Variants in PRELID2 observed in about 807,000 individuals in gnomAD.
PRELID2 encodes the protein PRELI domain-containing protein 2.
A neutral mutation model predicts 28.4 loss-of-function variants in PRELID2; 25 were observed. That is an observed-to-expected ratio of 0.88 (90% CI 0.64 to 1.23). PRELID2 has a LOEUF of 1.23. Among genes scored for constraint, PRELID2 ranks in the 50% most tolerant of loss-of-function variants. The probability of loss-of-function intolerance (pLI) is 0.00; values close to 1 mark genes in which losing one functional copy is unlikely to be tolerated. For missense variants in PRELID2, 201 were observed against 214.4 expected, an observed-to-expected ratio of 0.94 and a Z score of 0.39; for synonymous variants, 76 against 71.6, an observed-to-expected ratio of 1.06 and a Z score of -0.31.
chr5:145,705,368 T>G (rs28491726), intron 1 of PRELID2, among the ~76,000 whole-genome samples: 7,195 of 147,354 alleles, frequency 0.049, 521 homozygotes, highest in African/African-American at 0.17. Flanking sequence ...TTTTTGTGGG[T>G]TTTTTTTGTA....
chr5:145,696,962 CAG>C (rs375093767), intron 1 of PRELID2, among the ~76,000 whole-genome samples: 141 of 145,598 alleles, frequency 9.7e-4, no homozygotes, highest in African/African-American at 3.5e-3. Context: ...AAGAATAAAT[CAG>C]AGTAAGCAAA....
Position 145,675,482 on chromosome 5 carries a change from A to G in PRELID2, n.70+89449T>C, listed in dbSNP as rs76259764. ...AGATTGACACTATCTAGCAAAACTA[A>G]TAAGCATTTACCCTTTGACTCAGTA... is the stretch of plus-strand genomic sequence containing the variant. On this transcript the variant is annotated intron_variant and non_coding_transcript_variant, in intron 1 of 2. Coordinates refer to the PRELID2 transcript ENST00000510259. 3.9e-3 allele frequency among the ~76,000 whole-genome samples: 590 copies of G among 152,376 alleles called. 1 individual carries two copies. Among genetic ancestry groups the G allele is most frequent in the African/African-American group, 0.014 (566 of 41,586 alleles).
chr5:145,788,076 G>A lies in PRELID2; in HGVS notation c.474+8366C>T, dbSNP rs568490703. Among the ~76,000 whole-genome samples the A allele has an allele frequency of 5.9e-5, 9 of 152,180 alleles. 1 individual carries two copies. The highest frequency in any genetic ancestry group is 1.9e-4 in the African/African-American group (8 of 41,538). On this transcript the variant is annotated intron_variant, in intron 5 of 6. Coordinates refer to ENST00000683046, the MANE Select transcript of PRELID2 (RefSeq NM_205846.3). ...GATGTCTCTGTTTCCTCCTCTTTGG[G>A]TCCCTGAGGTCTGAGATCATGACTT...
chr5:145,543,852 T>C (rs1418401674), intron 1 of PRELID2, among the ~76,000 whole-genome samples: 1 of 152,062 alleles, frequency 6.6e-6, no homozygotes, highest in African/African-American at 2.4e-5. Context: ...AGTCAAACAG[T>C]TCATAAAGCT....
chr5:145,503,447 G>T (rs1752377237), intron 1 of PRELID2, among the ~76,000 whole-genome samples: 1 of 152,102 alleles, frequency 6.6e-6, no homozygotes, highest in African/African-American at 2.4e-5. Context: ...TAAAACAATA[G>T]TCATGATAAT....
intron 5 of PRELID2, among the ~76,000 whole-genome samples, chr5:145,789,043 GAATT>G (rs1227194213): frequency 6.6e-6 from 1 of 152,126 alleles, no homozygotes; most frequent in East Asian, 1.9e-4. Context: ...TAGCTTGAAA[GAATT>G]AATATTGCTA....
At chr5:145,491,791 T>C (rs1752271730) in intron 1 of PRELID2, among the ~76,000 whole-genome samples, 1 of 152,148 alleles carries the variant, frequency 6.6e-6, no homozygotes, top group South Asian at 2.1e-4. Flanking sequence ...AATGAGATCA[T>C]GTGGTATTTG....
intron 1 of PRELID2, among the ~76,000 whole-genome samples, chr5:145,527,618 G>C (rs1752621041): frequency 1.3e-5 from 2 of 152,156 alleles, no homozygotes; most frequent in Admixed American, 6.6e-5. Flanking sequence ...CAGCCAGAAA[G>C]TTTGTGCTTT....
intron 1 of PRELID2, among the ~76,000 whole-genome samples, chr5:145,494,680 G>A (rs1752295598): frequency 6.6e-6 from 1 of 152,044 alleles, no homozygotes; most frequent in Admixed American, 6.6e-5. Flanking sequence ...TCTTATTAAA[G>A]ATATTGACAA....
the PRELID2 span, among the ~76,000 whole-genome samples, chr5:145,402,288 A>G: frequency 6.6e-6 from 1 of 152,166 alleles, no homozygotes; most frequent in Non-Finnish European, 1.5e-5. Context: ...GGGAAGCTGT[A>G]TGCTCCTTGG....
the PRELID2 span, among the ~76,000 whole-genome samples, chr5:145,298,715 G>T: frequency 6.6e-6 from 1 of 152,064 alleles, no homozygotes; most frequent in Non-Finnish European, 1.5e-5. Context: ...CTCCAGAACT[G>T]TGAGCCAATA....
In PRELID2 at chr5:145,715,715, C is replaced by T. The variant is rs534656578; in HGVS notation, n.70+49216G>A. Among the ~76,000 whole-genome samples the T allele has an allele frequency of 1.4e-4, 21 of 152,280 alleles. 1 individual carries two copies. In the South Asian group the frequency reaches 1.5e-3, roughly 11 times the overall value. ...ACTGGCTTCCACCTTAAAGCCTTTG[C>T]GTGTGCTAGTCATGCTCCAGAAATG... On this transcript the variant is annotated intron_variant and non_coding_transcript_variant, in intron 1 of 2. Coordinates refer to the PRELID2 transcript ENST00000510259.
rs927900896 is a variant in PRELID2, at chr5:145,679,421, TGTAAA to T, written n.70+85505_70+85509del. Among the ~76,000 whole-genome samples the T allele has an allele frequency of 3.3e-5, 5 of 152,156 alleles. No homozygotes were observed. The South Asian group carries it at 6.2e-4, about 19-fold the overall frequency. On this transcript the variant is annotated intron_variant and non_coding_transcript_variant, in intron 1 of 2. Transcript: ENST00000510259. ...GTAGAGATCTTTCTAGAATATCCCT[TGTAAA>T]GTAGAGTCCACACTCAATCCCAGCC...
chr5:145,503,738 A>T (rs1196267916), intron 1 of PRELID2, among the ~76,000 whole-genome samples: 1 of 152,202 alleles, frequency 6.6e-6, no homozygotes, highest in Non-Finnish European at 1.5e-5. Flanking sequence ...TCTTTAGTAC[A>T]GGACTTTGCA....
the PRELID2 span, among the ~76,000 whole-genome samples, chr5:145,334,981 A>G: frequency 6.6e-6 from 1 of 152,036 alleles, no homozygotes; most frequent in South Asian, 2.1e-4. Context: ...GGGACCTTTG[A>G]GGTATATAAA....
Position 145,773,501 on chromosome 5 carries a change from T to C in PRELID2, c.475-8501A>G, listed in dbSNP as rs183112142. The stretch of plus-strand genomic sequence containing the variant: ...AAATATGGCCTCTCCCCCAGTGCCA[T>C]GTCCATCCATGACATTTATAACATT... On this transcript the variant is annotated intron_variant, in intron 5 of 6. Transcript: ENST00000683046. 1.1e-3 allele frequency among the ~76,000 whole-genome samples: 175 copies of C among 152,356 alleles called. 1 individual carries two copies. The highest frequency in any genetic ancestry group is 1.5e-3 in the Non-Finnish European group (101 of 68,026).
chr5:145,580,805 G>A (rs758845979), intron 1 of PRELID2, among the ~76,000 whole-genome samples: 8 of 151,982 alleles, frequency 5.3e-5, no homozygotes, highest in Admixed American at 1.3e-4. Context: ...ATATCCACCC[G>A]AAGATAAATA....
chr5:145,422,012 G>C, the PRELID2 span, among the ~76,000 whole-genome samples: 1 of 149,502 alleles, frequency 6.7e-6, no homozygotes, highest in Non-Finnish European at 1.5e-5. Flanking sequence ...TTCAGGAGCA[G>C]GTTGTTCAGT....
chr5:145,433,006 T>A, the PRELID2 span, among the ~76,000 whole-genome samples: 1 of 152,100 alleles, frequency 6.6e-6, no homozygotes, highest in Non-Finnish European at 1.5e-5. Flanking sequence ...CAACTCCATA[T>A]CTTTATACAG....
Sources: allele counts gnomAD v4.1 joint callset (sites outside exome capture counted in the v4.1 genomes callset), GRCh38; gene constraint gnomAD v4.1.1; transcripts MANE v1.5; gene names NCBI Gene and HGNC (gene_info 2026-07-23, HGNC 2026-07-21).